LRP1B: variants seen among roughly 807,000 people sequenced by gnomAD.
The protein encoded by LRP1B is LDL receptor related protein 1B, also known as low-density lipoprotein receptor-related protein 1B.
In LRP1B, 217 loss-of-function variants were observed where a neutral mutation model predicts 556.6. The ratio of observed to expected loss-of-function variants is 0.39; its 90% CI spans 0.35 to 0.44. LRP1B has a LOEUF of 0.44. Among genes scored for constraint, LRP1B ranks in the 20% least tolerant of loss-of-function variants. The pLI, the probability that LRP1B is intolerant of heterozygous loss-of-function variation, is 1.00. For missense variants in LRP1B, 5,053 were observed against 5,620.8 expected (o/e 0.90, Z 3.23); for synonymous variants, 2,047 against 1,865.8 (o/e 1.10, Z -2.50).
At chr2:141,681,516 A>G (rs1691103665) in intron 2 of LRP1B, among the ~76,000 whole-genome samples, 1 of 151,932 alleles carries the variant, frequency 6.6e-6, no homozygotes. Context: ...CTGTTACTTT[A>G]TGTGTGTTTT....
intron 2 of LRP1B, among the ~76,000 whole-genome samples, chr2:141,632,331 C>T (rs184964371): frequency 1.3e-5 from 2 of 152,296 alleles, no homozygotes; most frequent in Non-Finnish European, 2.9e-5. Context: ...CCCTACCCAA[C>T]CTAGAAATCT....
chr2:141,112,867 A>AT (rs1700789988), intron 7 of LRP1B, among the ~76,000 whole-genome samples: 1 of 152,210 alleles, frequency 6.6e-6, no homozygotes, highest in Non-Finnish European at 1.5e-5. Flanking sequence ...ATTAAGCTGC[A>AT]TTTTTTTAAA....
At chr2:141,323,547 T>A (rs112465983) in intron 3 of LRP1B, among the ~76,000 whole-genome samples, 3,198 of 152,238 alleles carry the variant, frequency 0.021, 57 homozygotes, top group Non-Finnish European at 0.034. Flanking sequence ...TCTGACCTAA[T>A]GGCTCTTCTC....
At chr2:141,013,143 T>C (rs550905869) in intron 14 of LRP1B, among the ~76,000 whole-genome samples, 1 of 152,100 alleles carries the variant, frequency 6.6e-6, no homozygotes, top group South Asian at 2.1e-4. Flanking sequence ...AAGATACTTT[T>C]AAAAAATAAC....
chr2:141,797,163 A>AC lies in LRP1B; in HGVS notation c.205+13115_205+13116insG, dbSNP rs1695845205. Among the ~76,000 whole-genome samples, 22 of 86,318 alleles carry AC rather than the reference A, an allele frequency of 2.5e-4. 1 individual carries two copies. Among genetic ancestry groups the AC allele is most frequent in the African/African-American group, 7.7e-4 (22 of 28,538 alleles). The allele number at this position is 86,318 out of a possible 152,430, so 56.6% of individuals were successfully genotyped here. A position where few individuals can be genotyped will look rare whatever the true frequency, so the allele number is the denominator to read the frequency against. ...AAAATAATCATATATATATATATAT[A>AC]TATATATATATATATATATATATAA... is the stretch of plus-strand genomic sequence containing the variant. On this transcript the variant is annotated intron_variant, in intron 2 of 90. Transcript: ENST00000389484.
rs2105095025 is a variant in LRP1B at position 140,840,035 on chromosome 2, C to T, written c.5165G>A (p.Gly1722Asp). ...GNTINMANMD[G>D]SNSKILFQNQ... ...CTGAAACAGAATCTTGCTATTACTG[C>T]CATCCATATTTGCCATGTTAATTGT... The change falls in exon 31 of 91, where the codon GGC becomes GAC. Residue 1722 changes from glycine to aspartate, a missense_variant. Gly to Asp is a moderately conservative substitution (Grantham distance 94). This residue lies in a region of LRP1B where 3,619 missense variants were observed against 3,931.9 expected (regional missense o/e 0.92). Coordinates refer to ENST00000389484, the MANE Select transcript of LRP1B (RefSeq NM_018557.3). 1 of 1,611,406 alleles carries T rather than the reference C, an allele frequency of 6.2e-7. No homozygotes were observed. Among genetic ancestry groups the T allele is most frequent in the Non-Finnish European group, 8.5e-7 (1 of 1,179,318 alleles).
At chr2:141,279,500 G>T (rs1397612537) in intron 3 of LRP1B, among the ~76,000 whole-genome samples, 1 of 152,036 alleles carries the variant, frequency 6.6e-6, no homozygotes, top group African/African-American at 2.4e-5. Flanking sequence ...AAAGTGGTTT[G>T]CTTGGCATGT....
chr2:141,586,994 C>G (rs1687165934), intron 2 of LRP1B, among the ~76,000 whole-genome samples: 1 of 148,886 alleles, frequency 6.7e-6, no homozygotes, highest in Non-Finnish European at 1.5e-5. Context: ...AGAGGAAATA[C>G]TCATATATGA....
chr2:141,603,240 G>A lies in LRP1B; in HGVS notation c.206-122707C>T, dbSNP rs1687811914. Among the ~76,000 whole-genome samples the A allele has an allele frequency of 1.3e-5, 2 of 152,088 alleles. 1 individual carries two copies. The highest frequency in any genetic ancestry group is 4.1e-4 in the South Asian group (2 of 4,832). Reference sequence around the variant, plus strand: ...ATTGGAAGGCAAGAAATGAACAAGTGGTCTCCTATAGGTGCCAATCATTTC... The same window carrying A: ...ATTGGAAGGCAAGAAATGAACAAGTAGTCTCCTATAGGTGCCAATCATTTC... On this transcript the variant is annotated intron_variant, in intron 2 of 90. Transcript: ENST00000389484.
rs768278817 is a variant in LRP1B, at chr2:140,457,624, A to G, written c.9653T>C (p.Ile3218Thr). The change falls in exon 61 of 91, where the codon ATT becomes ACT. Residue 3218 changes from isoleucine to threonine, a missense_variant. Physicochemically the swap from Ile to Thr is moderately conservative, Grantham distance 89 (BLOSUM62 -1). Transcript: ENST00000389484. Reference sequence around the variant, plus strand: ...GTAGTCTTCAAACAATGTTAGTGCAATCACCCCTGGAATATCTTGATTAGG... The same window carrying G: ...GTAGTCTTCAAACAATGTTAGTGCAGTCACCCCTGGAATATCTTGATTAGG... ...KVPNQDIPGV[I>T]ALTLFEDYIY... 1.9e-6 allele frequency: 3 copies of G among 1,613,614 alleles called. No individual in the cohort carries two copies. In the South Asian group the frequency reaches 3.3e-5, roughly 18 times the overall value.
chr2:141,391,906 C>A (rs1009163619), intron 3 of LRP1B, among the ~76,000 whole-genome samples: 2 of 152,154 alleles, frequency 1.3e-5, no homozygotes, highest in Non-Finnish European at 2.9e-5. Context: ...CATCTGTTTG[C>A]ATGAATTTTA....
At chr2:140,564,592 T>C (rs1681057971) in intron 43 of LRP1B, among the ~76,000 whole-genome samples, 1 of 152,078 alleles carries the variant, frequency 6.6e-6, no homozygotes, top group Non-Finnish European at 1.5e-5. Flanking sequence ...TATTTGGCAT[T>C]CAATACTAAG....
At chr2:140,673,864 G>A (rs1685572730) in intron 41 of LRP1B, among the ~76,000 whole-genome samples, 1 of 151,460 alleles carries the variant, frequency 6.6e-6, no homozygotes, top group Non-Finnish European at 1.5e-5. Flanking sequence ...AAGACTGACA[G>A]AACAGACTCT....
chr2:141,252,589 C>T (rs1391423625), intron 4 of LRP1B, among the ~76,000 whole-genome samples: 2 of 152,096 alleles, frequency 1.3e-5, no homozygotes, highest in South Asian at 2.1e-4. Context: ...TATCTATTTT[C>T]ACAGATTTTT....
intron 2 of LRP1B, among the ~76,000 whole-genome samples, chr2:141,545,177 C>T (rs1468656109): frequency 6.6e-6 from 1 of 152,152 alleles, no homozygotes. Flanking sequence ...AAATGTATTG[C>T]CTTCTTCAAC....
chr2:140,948,998 A>T (rs1316848611), intron 20 of LRP1B, among the ~76,000 whole-genome samples: 1 of 152,226 alleles, frequency 6.6e-6, no homozygotes, highest in Non-Finnish European at 1.5e-5. Flanking sequence ...GGGAGAAAAC[A>T]ATTTAGACAC....
chr2:141,423,856 G>C (rs1267535162), intron 3 of LRP1B, among the ~76,000 whole-genome samples: 1 of 149,794 alleles, frequency 6.7e-6, no homozygotes, highest in Non-Finnish European at 1.5e-5. Context: ...TACACACATA[G>C]TTTAGTTATA....
At chr2:141,992,814 A>T (rs1049912537) in intron 1 of LRP1B, among the ~76,000 whole-genome samples, 2 of 152,116 alleles carry the variant, frequency 1.3e-5, no homozygotes, top group Non-Finnish European at 2.9e-5. Flanking sequence ...GACTGGAGTC[A>T]GTGCTCAGGG....
intron 41 of LRP1B, among the ~76,000 whole-genome samples, chr2:140,639,285 A>G (rs181119950): frequency 6.6e-6 from 1 of 152,358 alleles, no homozygotes; most frequent in Non-Finnish European, 1.5e-5. Flanking sequence ...ACTAATTAAA[A>G]AAACTAATCA....
Sources: gnomAD v4.1 joint callset for allele counts (sites outside exome capture counted in the v4.1 genomes callset) on GRCh38, gnomAD v4.1.1 for gene constraint, gnomAD v4.1.1 regional missense constraint, MANE v1.5 for transcripts, NCBI Gene and HGNC (gene_info 2026-07-23, HGNC 2026-07-21) for gene names.